Variants in XKR6 observed in about 807,000 individuals in gnomAD.
XKR6 encodes XK related 6.
A neutral mutation model predicts 56.7 loss-of-function variants in XKR6; 22 were observed. The observed-to-expected ratio is 0.39, with a 90% CI of 0.28 to 0.55. The LOEUF is 0.55. Ranked by LOEUF, XKR6 falls within the 20% of genes least tolerant of loss-of-function variation. XKR6 has a pLI of 0.66. For synonymous variants in XKR6, 524 were observed against 387.8 expected (o/e 1.35, Z -4.13); for missense variants, 852 against 889.0 (o/e 0.96, Z 0.53).
At chr8:11,198,921 A>C (rs1182844361) in intron 1 of XKR6, among the ~76,000 whole-genome samples, 1 of 149,376 alleles carries the variant, frequency 6.7e-6, no homozygotes, top group African/African-American at 2.4e-5. Context: ...CCCCCGCCCA[A>C]AAAAAAAAAG....
intron 1 of XKR6, among the ~76,000 whole-genome samples, chr8:11,032,815 G>A (rs1288457061): frequency 6.6e-6 from 1 of 152,214 alleles, no homozygotes; most frequent in Non-Finnish European, 1.5e-5. Context: ...GAAGACTAAA[G>A]GAGGTAATGC....
At chr8:11,163,718 G>A (rs1801936164) in intron 1 of XKR6, among the ~76,000 whole-genome samples, 1 of 152,200 alleles carries the variant, frequency 6.6e-6, no homozygotes, top group African/African-American at 2.4e-5. Flanking sequence ...GCTAGGCACT[G>A]CCTGAGCACA....
chr8:11,022,260 C>T (rs1445999955), intron 1 of XKR6, among the ~76,000 whole-genome samples: 2 of 151,918 alleles, frequency 1.3e-5, no homozygotes, highest in South Asian at 4.2e-4. Context: ...AGTGCTGTTG[C>T]CTTAGCATCC....
intron 1 of XKR6, among the ~76,000 whole-genome samples, chr8:11,097,775 C>A (rs1798313273): frequency 2.1e-5 from 3 of 143,026 alleles, no homozygotes; most frequent in Non-Finnish European, 4.5e-5. Context: ...CCACCGCACT[C>A]CAGCCTGGGG....
chr8:10,925,563 C>G (rs1037308648), intron 1 of XKR6, among the ~76,000 whole-genome samples: 1 of 152,202 alleles, frequency 6.6e-6, no homozygotes, highest in South Asian at 2.1e-4. Context: ...GGACCACTCC[C>G]GGGCTCTGTG....
At chr8:11,015,754 T>G (rs1798604887) in intron 1 of XKR6, among the ~76,000 whole-genome samples, 4 of 143,214 alleles carry the variant, frequency 2.8e-5, no homozygotes, top group South Asian at 2.3e-4. Context: ...AGGAAGGGAG[T>G]GAGATTAAGG....
chr8:11,035,288 G>T (rs1220711357), intron 1 of XKR6: 1 of 534,700 alleles, frequency 1.9e-6, no homozygotes, highest in Non-Finnish European at 3.8e-6. Flanking sequence ...GCCAGCATCA[G>T]CAGCATCATC....
chr8:11,006,360 A>T lies in XKR6; in HGVS notation c.765-81530T>A, dbSNP rs190114553. Among the ~76,000 whole-genome samples, 10 of 152,228 alleles carry T rather than the reference A, an allele frequency of 6.6e-5. No individual in the cohort carries two copies. The East Asian group carries it at 1.9e-3, about 29-fold the overall frequency. The stretch of plus-strand genomic sequence containing the variant: ...TTCTGCCTGGGTATTATTAGGGTGG[A>T]GGGAACAGTGTGCTGCCCCTATGGT... On this transcript the variant is annotated intron_variant, in intron 1 of 2. Coordinates refer to ENST00000416569, the MANE Select transcript of XKR6 (RefSeq NM_173683.4).
chr8:10,900,653 T>C (rs1249023222), intron 2 of XKR6, among the ~76,000 whole-genome samples: 2 of 152,210 alleles, frequency 1.3e-5, no homozygotes, highest in African/African-American at 4.8e-5. Context: ...TTTTCTTTTC[T>C]AGAAAGTTCT....
chr8:11,019,658 G>A (rs979685876), intron 1 of XKR6, among the ~76,000 whole-genome samples: 8 of 152,170 alleles, frequency 5.3e-5, no homozygotes, highest in Admixed American at 1.3e-4. Flanking sequence ...GGCTCTGACC[G>A]CCAAGACATG....
chr8:10,938,256 G>A (rs544216494), intron 1 of XKR6, among the ~76,000 whole-genome samples: 57 of 152,214 alleles, frequency 3.7e-4, no homozygotes, highest in Non-Finnish European at 6.6e-4. Context: ...GCCCTGCTTC[G>A]GCTCGCGCAC....
intron 1 of XKR6, among the ~76,000 whole-genome samples, chr8:11,119,233 G>A (rs1284108922): frequency 6.6e-6 from 1 of 152,132 alleles, no homozygotes; most frequent in Non-Finnish European, 1.5e-5. Flanking sequence ...TTCCAACTAT[G>A]TGGTCAATTT....
Position 10,897,307 on chromosome 8 carries a change from C to G in XKR6, c.*645G>C, listed in dbSNP as rs572394139. 1 of 152,540 alleles carries G rather than the reference C, an allele frequency of 6.6e-6. No individual in the cohort carries two copies. The highest frequency in any genetic ancestry group is 2.1e-4 in the South Asian group (1 of 4,826). The allele number at this position is 152,540 out of a possible 1,614,324, so 9.4% of individuals were successfully genotyped here. On this transcript the variant is annotated 3_prime_UTR_variant, in exon 3 of 3. Transcript: ENST00000416569. Reference sequence around the variant, plus strand: ...TTTGGTAAATTTGTTTTCTTCAATACAAATAATCAGATAGGAAGAATAATT... The same window carrying G: ...TTTGGTAAATTTGTTTTCTTCAATAGAAATAATCAGATAGGAAGAATAATT...
chr8:10,948,912 C>T (rs967278071), intron 1 of XKR6, among the ~76,000 whole-genome samples: 2 of 152,196 alleles, frequency 1.3e-5, no homozygotes, highest in African/African-American at 4.8e-5. Flanking sequence ...GTGACATGTC[C>T]ACATGTTAGA....
At chr8:10,922,389 G>A (rs971114306) in intron 2 of XKR6, among the ~76,000 whole-genome samples, 4 of 152,208 alleles carry the variant, frequency 2.6e-5, no homozygotes, top group East Asian at 1.9e-4. Flanking sequence ...CCAGGGAACC[G>A]GACATTGCCC....
intron 1 of XKR6, among the ~76,000 whole-genome samples, chr8:11,078,668 C>T (rs1419487831): frequency 6.6e-6 from 1 of 152,198 alleles, no homozygotes; most frequent in Non-Finnish European, 1.5e-5. Flanking sequence ...GGAGGCCCCC[C>T]ATGACAGCAC....
intron 1 of XKR6, among the ~76,000 whole-genome samples, chr8:10,989,563 G>A (rs1248158947): frequency 6.6e-6 from 1 of 152,172 alleles, no homozygotes; most frequent in Non-Finnish European, 1.5e-5. Context: ...GGAAGAAGAG[G>A]TTTAAATCTG....
At chr8:11,093,241 G>C (rs575467988) in intron 1 of XKR6, among the ~76,000 whole-genome samples, 1 of 152,176 alleles carries the variant, frequency 6.6e-6, no homozygotes, top group South Asian at 2.1e-4. Flanking sequence ...TTTTAGTAGA[G>C]ACAGGCTTTC....
At chr8:11,026,964 C>A (rs35995832) in intron 1 of XKR6, among the ~76,000 whole-genome samples, 62,498 of 149,624 alleles carry the variant, frequency 0.42, 18,056 homozygotes, top group African/African-American at 0.83. Context: ...CTACACACTT[C>A]GATGGTGTTG....
Sources: allele counts gnomAD v4.1 joint callset (sites outside exome capture counted in the v4.1 genomes callset), GRCh38; gene constraint gnomAD v4.1.1; transcripts MANE v1.5; gene names NCBI Gene and HGNC (gene_info 2026-07-23, HGNC 2026-07-21).